Variants in AUTS2 observed in about 807,000 individuals in gnomAD.
The protein encoded by AUTS2 is activator of transcription and developmental regulator AUTS2.
AUTS2 carries 17 observed loss-of-function variants against 112.4 expected under a neutral mutation model. The observed-to-expected ratio is 0.15, with a 90% CI of 0.10 to 0.23. The LOEUF is 0.23. Among genes scored for constraint, AUTS2 ranks in the 10% least tolerant of loss-of-function variants. AUTS2 has a pLI of 1.00. For synonymous variants in AUTS2, 751 were observed against 702.7 expected (o/e 1.07, Z -1.09); for missense variants, 1,510 against 1,701.6 (o/e 0.89, Z 1.98).
intron 4 of AUTS2, among the ~76,000 whole-genome samples, chr7:70,313,195 A>G (rs1333380914): frequency 6.6e-6 from 1 of 152,224 alleles, no homozygotes; most frequent in Admixed American, 6.5e-5. Flanking sequence ...GAGAGTACTC[A>G]GGGTTAGACT....
intron 4 of AUTS2, among the ~76,000 whole-genome samples, chr7:70,177,977 A>G (rs1434146754): frequency 2.0e-5 from 3 of 148,134 alleles, no homozygotes; most frequent in South Asian, 2.1e-4. Context: ...GTGCAGTGGC[A>G]TGATCTTGGC....
At chr7:70,223,723 G>T (rs974008724) in intron 4 of AUTS2, among the ~76,000 whole-genome samples, 1 of 152,160 alleles carries the variant, frequency 6.6e-6, no homozygotes, top group African/African-American at 2.4e-5. Flanking sequence ...TATCATAGGG[G>T]ATGGTAGCTC....
intron 2 of AUTS2, among the ~76,000 whole-genome samples, chr7:70,099,779 G>A (rs905348557): frequency 3.9e-5 from 6 of 152,100 alleles, no homozygotes; most frequent in Non-Finnish European, 1.5e-5. Flanking sequence ...TTTTCTTGTA[G>A]TATTTCCAGT....
chr7:69,981,088 A>G (rs190468773), intron 2 of AUTS2, among the ~76,000 whole-genome samples: 2 of 152,306 alleles, frequency 1.3e-5, no homozygotes, highest in East Asian at 3.9e-4. Flanking sequence ...TTAAATGTTT[A>G]TCTTGTCCAG....
At chr7:69,948,774 A>T (rs1357791573) in intron 2 of AUTS2, among the ~76,000 whole-genome samples, 5 of 71,466 alleles carry the variant, frequency 7.0e-5, no homozygotes, top group Middle Eastern at 7.0e-3. Context: ...ATTTTCTTTC[A>T]TTTATTTATT....
chr7:70,170,159 ATTTT>A (rs34556589), intron 4 of AUTS2, among the ~76,000 whole-genome samples: 2 of 132,870 alleles, frequency 1.5e-5, no homozygotes, highest in Non-Finnish European at 1.6e-5. Flanking sequence ...AAATGCAAGT[ATTTT>A]TTTTTTTTTT....
chr7:69,671,471 G>A (rs1275011642), intron 1 of AUTS2, among the ~76,000 whole-genome samples: 1 of 142,296 alleles, frequency 7.0e-6, no homozygotes, highest in East Asian at 2.1e-4. Flanking sequence ...AAATGTTTTG[G>A]CTGCTGCTGC....
intron 2 of AUTS2, among the ~76,000 whole-genome samples, chr7:70,078,657 A>G (rs749939752): frequency 1.1e-4 from 16 of 152,194 alleles, no homozygotes; most frequent in Admixed American, 3.3e-4. Flanking sequence ...AAGGTATAGT[A>G]ATTGAATGTC....
intron 5 of AUTS2, among the ~76,000 whole-genome samples, chr7:70,607,759 C>A (rs1164391984): frequency 6.6e-6 from 1 of 152,142 alleles, no homozygotes; most frequent in Non-Finnish European, 1.5e-5. Context: ...AGAACCATTT[C>A]CTTCCACAGA....
At chr7:69,618,108 G>C (rs1324811892) in intron 1 of AUTS2, among the ~76,000 whole-genome samples, 2 of 152,178 alleles carry the variant, frequency 1.3e-5, no homozygotes, top group African/African-American at 4.8e-5. Context: ...TTTCTGTATG[G>C]TCATGCAGAT....
intron 5 of AUTS2, among the ~76,000 whole-genome samples, chr7:70,632,374 G>A (rs549325200): frequency 1.8e-4 from 27 of 152,206 alleles, no homozygotes; most frequent in African/African-American, 6.3e-4. Context: ...AGTGAGGGAA[G>A]CCCTGCTGGT....
intron 2 of AUTS2, among the ~76,000 whole-genome samples, chr7:69,955,770 C>A (rs116944632): frequency 0.023 from 3,550 of 152,254 alleles, 70 homozygotes; most frequent in Admixed American, 0.039. Flanking sequence ...TCCTCCTAGA[C>A]AAGGAATGAA....
At chr7:70,470,166 GT>G (rs1797323918) in intron 5 of AUTS2, among the ~76,000 whole-genome samples, 2 of 152,194 alleles carry the variant, frequency 1.3e-5, no homozygotes, top group South Asian at 4.1e-4. Context: ...GTAGGGATTG[GT>G]TTTTACCCTC....
chr7:69,702,319 T>C (rs953766345), intron 1 of AUTS2, among the ~76,000 whole-genome samples: 2 of 152,198 alleles, frequency 1.3e-5, no homozygotes, highest in African/African-American at 4.8e-5. Flanking sequence ...TAGTTTAGTA[T>C]TCAGATGTGG....
chr7:70,223,097 C>T (rs1305429975), intron 4 of AUTS2, among the ~76,000 whole-genome samples: 1 of 152,024 alleles, frequency 6.6e-6, no homozygotes, highest in African/African-American at 2.4e-5. Flanking sequence ...CCATGTTGGC[C>T]AGGCTGGTCT....
chr7:69,845,544 G>A lies in AUTS2; in HGVS notation c.310-53742G>A, dbSNP rs148637482. ...AAATGCATGTCTTCCCTGGACTTTA[G>A]TGCATCCTTGGTTTGTAAGTGACTA... On this transcript the variant is annotated intron_variant, in intron 1 of 18. Coordinates refer to ENST00000342771, the MANE Select transcript of AUTS2 (RefSeq NM_015570.4). Among the ~76,000 whole-genome samples, 308 of 152,252 alleles carry A rather than the reference G, an allele frequency of 2.0e-3. 1 individual carries two copies. The highest frequency in any genetic ancestry group is 7.1e-3 in the African/African-American group (294 of 41,552).
intron 4 of AUTS2, among the ~76,000 whole-genome samples, chr7:70,251,797 A>T (rs1439871487): frequency 2.0e-5 from 3 of 152,152 alleles, no homozygotes; most frequent in Admixed American, 1.3e-4. Context: ...TAATTTTTTT[A>T]AATTTAACTT....
intron 1 of AUTS2, among the ~76,000 whole-genome samples, chr7:69,723,872 C>T (rs976713961): frequency 1.3e-5 from 2 of 152,170 alleles, no homozygotes; most frequent in African/African-American, 4.8e-5. Flanking sequence ...TAGTCTTAGT[C>T]TGCCTCCTCA....
chr7:70,265,807 T>A (rs1787394659), intron 4 of AUTS2, among the ~76,000 whole-genome samples: 1 of 152,230 alleles, frequency 6.6e-6, no homozygotes, highest in Non-Finnish European at 1.5e-5. Context: ...TTTTTATAAC[T>A]TAAATGTGGT....
Sources: allele counts gnomAD v4.1 joint callset (sites outside exome capture counted in the v4.1 genomes callset), GRCh38; gene constraint gnomAD v4.1.1; transcripts MANE v1.5; gene names NCBI Gene and HGNC (gene_info 2026-07-23, HGNC 2026-07-21).